The following EVC variants were observed in gnomAD, a reference collection of about 807,000 sequenced individuals.
The protein encoded by EVC is EvC ciliary complex subunit 1.
Under a neutral mutation model 118.9 loss-of-function variants are expected in EVC, and 116 were observed. The ratio of observed to expected loss-of-function variants is 0.98; its 90% confidence interval spans 0.84 to 1.14. The LOEUF is 1.14. EVC is among the 50% of genes most tolerant of loss of function. The probability of loss-of-function intolerance (pLI) is 0.00; values close to 1 mark genes in which losing one functional copy is unlikely to be tolerated. For missense variants in EVC, 1,401 were observed against 1,246.4 expected (o/e 1.12, Z -1.87); for synonymous variants, 619 against 534.7 (o/e 1.16, Z -2.18).
intron 1 of EVC, among the ~76,000 whole-genome samples, chr4:5,718,471 G>T (rs750921569): frequency 1.3e-5 from 2 of 152,092 alleles, no homozygotes; most frequent in Non-Finnish European, 2.9e-5. Flanking sequence ...CACTGTGTTT[G>T]GTGGTTATTT....
chr4:5,820,927 A>G, the EVC span: 1 of 152,266 alleles, frequency 6.6e-6, no homozygotes, highest in Non-Finnish European at 1.5e-5. Flanking sequence ...TGCCCCGTCA[A>G]CTGCCTCAGA....
In EVC at chr4:5,798,742, G is replaced by A. The variant is rs1252737744; in HGVS notation, c.2254G>A (p.Ala752Thr). The A allele has an allele frequency of 3.7e-6, 6 of 1,611,184 alleles. No homozygotes were observed. In the South Asian group the frequency reaches 5.5e-5, roughly 15 times the overall value. The change falls in exon 15 of 21, where the codon GCA becomes ACA. Residue 752 changes from alanine to threonine, a missense_variant. Transcript: ENST00000264956. This position sits in a 1 kb window ranked among gnomAD's most constrained non-coding sequence, Gnocchi z 4.1. The stretch of plus-strand genomic sequence containing the variant: ...CATTGGGCAGGCGCTGCTGGTGCAT[G>A]CACGGAATGCAGCCACCAAGAGCCG... ...CAIGQALLVH[A>T]RNAATKSRAK...
intron 11 of EVC, among the ~76,000 whole-genome samples, chr4:5,761,400 G>C (rs1015890422): frequency 1.3e-5 from 2 of 151,712 alleles, no homozygotes; most frequent in African/African-American, 4.9e-5. Context: ...GCCAGCTCGA[G>C]GGTGCACCTG....
At chr4:5,734,347 C>T (rs1421033825) in intron 5 of EVC, among the ~76,000 whole-genome samples, 1 of 152,124 alleles carries the variant, frequency 6.6e-6, no homozygotes, top group East Asian at 1.9e-4. Context: ...AGAGCAAGAA[C>T]ATCACGTTGG....
At chr4:5,824,723 G>T in the EVC span, 2 of 984,656 alleles carry the variant, frequency 2.0e-6, no homozygotes, top group Non-Finnish European at 2.4e-6. Context: ...TTACTATCCG[G>T]CCTTCTAAGA....
chr4:5,741,032 G>A (rs185542869), intron 5 of EVC, among the ~76,000 whole-genome samples: 89 of 152,268 alleles, frequency 5.8e-4, no homozygotes, highest in Non-Finnish European at 4.6e-4. Flanking sequence ...AAAACGTTTT[G>A]GCAATTTCTT....
intron 1 of EVC, among the ~76,000 whole-genome samples, chr4:5,711,789 C>A (rs2151772033): frequency 6.6e-6 from 1 of 152,314 alleles, no homozygotes; most frequent in South Asian, 2.1e-4. Context: ...GTTGGGTGAT[C>A]CTTGACAGCA....
intron 11 of EVC, among the ~76,000 whole-genome samples, chr4:5,758,634 G>A (rs574555495): frequency 1.1e-4 from 17 of 152,304 alleles, no homozygotes; most frequent in Non-Finnish European, 2.2e-4. Context: ...TCCTCTGAGT[G>A]CTAACATGCT....
At chr4:5,716,963 G>A (rs1388051706) in intron 1 of EVC, among the ~76,000 whole-genome samples, 17 of 152,144 alleles carry the variant, frequency 1.1e-4, no homozygotes, top group South Asian at 4.1e-4. Flanking sequence ...ATTGCACCAC[G>A]ATGGTGTTGG....
chr4:5,729,060 C>T (rs907525874), intron 2 of EVC, among the ~76,000 whole-genome samples: 1 of 152,092 alleles, frequency 6.6e-6, no homozygotes, highest in Admixed American at 6.6e-5. Context: ...ATCCATCCAC[C>T]TGTCTATCCA....
the EVC span, chr4:5,825,555 C>T: frequency 2.5e-6 from 4 of 1,595,702 alleles, no homozygotes; most frequent in South Asian, 1.1e-5. The surrounding 1 kb of genome is among the most constrained non-coding windows in gnomAD (Gnocchi z 4.4). Flanking sequence ...GTTTAGAAGG[C>T]GAAGATTTGG....
the EVC span, chr4:5,824,490 C>A: frequency 2.0e-6 from 2 of 984,830 alleles, no homozygotes; most frequent in Non-Finnish European, 1.2e-6. Flanking sequence ...CATCCTCTCT[C>A]TCTCTCTCTC....
chr4:5,736,280 TACAC>T (rs10556213), intron 5 of EVC, among the ~76,000 whole-genome samples: 20,425 of 149,452 alleles, frequency 0.14, 1,592 homozygotes, highest in African/African-American at 0.21. Flanking sequence ...TGCATAGAAC[TACAC>T]ACACACACAC....
Position 5,733,440 on chromosome 4 carries a change from G to A in EVC, c.702+5G>A, listed in dbSNP as rs933295872. 7.4e-6 allele frequency: 12 copies of A among 1,613,234 alleles called. 1 individual carries two copies. The highest frequency in any genetic ancestry group is 1.0e-5 in the Non-Finnish European group (12 of 1,179,236). On this transcript the variant is annotated splice_donor_5th_base_variant and intron_variant, in intron 5 of 20. Transcript: ENST00000264956. Reference sequence around the variant, plus strand: ...CTGAGGCAGGAAAAGCATATGGTAGGTGGAGATGTTCGCATTCCCTCCTTT... The same window carrying A: ...CTGAGGCAGGAAAAGCATATGGTAGATGGAGATGTTCGCATTCCCTCCTTT...
Position 5,749,226 on chromosome 4 carries a change from A to T in EVC, c.1098+920A>T, listed in dbSNP as rs1268864758. On this transcript the variant is annotated intron_variant, in intron 8 of 20. Coordinates refer to ENST00000264956, the MANE Select transcript of EVC (RefSeq NM_153717.3). The surrounding 1 kb of genome is among the most constrained non-coding windows in gnomAD (Gnocchi z 4.4). Reference sequence around the variant, plus strand: ...TATTCTGACGGGAGGCCAGGGATACAAACCCCTGGTGCATGGGTGTCCAAC... The same window carrying T: ...TATTCTGACGGGAGGCCAGGGATACTAACCCCTGGTGCATGGGTGTCCAAC... 1.3e-5 allele frequency among the ~76,000 whole-genome samples: 2 copies of T among 152,044 alleles called. No homozygotes were observed. The highest frequency in any genetic ancestry group is 2.9e-5 in the Non-Finnish European group (2 of 68,006).
chr4:5,712,362 G>A (rs1160743190), intron 1 of EVC, among the ~76,000 whole-genome samples: 2 of 152,230 alleles, frequency 1.3e-5, no homozygotes, highest in African/African-American at 4.8e-5. Context: ...CAAAGCCACT[G>A]TGTTCTTCAT....
At chr4:5,809,848 CCTAA>C (rs1289545206) in intron 19 of EVC, among the ~76,000 whole-genome samples, 2 of 152,186 alleles carry the variant, frequency 1.3e-5, no homozygotes, top group African/African-American at 2.4e-5. Flanking sequence ...GGCTGTGTCT[CCTAA>C]CTGACTCCAT....
At position 5,731,826 on chromosome 4, in the gene EVC, C is replaced by T. The variant is rs115734559; in HGVS notation, c.617+169C>T. ...GGAGCCCCAGAGGCCTTTGTCACTT[C>T]CTGTGCTGTATTGCCCAACACTGGG... On this transcript the variant is annotated intron_variant, in intron 4 of 20. Transcript: ENST00000264956. This position sits in a 1 kb window ranked among gnomAD's most constrained non-coding sequence, Gnocchi z 5.6. 2.1e-3 allele frequency among the ~76,000 whole-genome samples: 323 copies of T among 152,262 alleles called. 2 individuals are homozygous for T. Among genetic ancestry groups the T allele is most frequent in the African/African-American group, 7.1e-3 (294 of 41,550 alleles).
rs1186502799 is a variant in EVC, at chr4:5,797,206, C to T, written c.2071C>T (p.His691Tyr). ...GGGGTCCTCCCAGTGCCTGGACGAG[C>T]ATCAGTGGCAGCTGCTCAGGGCCCT... The part of the protein sequence containing the change: ...EQGSSQCLDE[H>Y]QWQLLRALEA... The change falls in exon 14 of 21, where the codon CAT becomes TAT. Residue 691 changes from histidine to tyrosine, a missense_variant. Transcript: ENST00000264956. 6.2e-7 allele frequency: 1 copy of T among 1,611,668 alleles called. No individual in the cohort carries two copies. The highest frequency in any genetic ancestry group is 8.5e-7 in the Non-Finnish European group (1 of 1,179,682).
Sources: allele counts gnomAD v4.1 joint callset (sites outside exome capture counted in the v4.1 genomes callset), GRCh38; gene constraint gnomAD v4.1.1; non-coding constraint Gnocchi (gnomAD v3.1); transcripts MANE v1.5; gene names NCBI Gene and HGNC (gene_info 2026-07-23, HGNC 2026-07-21).